SLC41A3: variants seen among roughly 807,000 people sequenced by gnomAD.
SLC41A3 encodes solute carrier family 41 member 3, also known as SLC41A1-like 2.
A neutral mutation model predicts 45.4 loss-of-function variants in SLC41A3; 44 were observed. The observed-to-expected ratio is 0.97, with a 90% CI of 0.76 to 1.25. The LOEUF is 1.25. SLC41A3 is among the 50% of genes most tolerant of loss of function. The pLI is 0.00. For missense variants in SLC41A3, 550 were observed against 600.6 expected (o/e 0.92, Z 0.88); for synonymous variants, 256 against 252.4 (o/e 1.01, Z -0.13).
At chr3:126,076,768 A>C (rs972133490) in intron 1 of SLC41A3, among the ~76,000 whole-genome samples, 2 of 152,150 alleles carry the variant, frequency 1.3e-5, no homozygotes, top group African/African-American at 4.8e-5. Context: ...TAGTTTTACA[A>C]TGTGTGCAGC....
rs144125638 is a variant in SLC41A3, at chr3:126,063,212, C to T, written c.273+4735G>A. Among the ~76,000 whole-genome samples, 796 of 152,330 alleles carry T rather than the reference C, an allele frequency of 5.2e-3. 6 individuals carry two copies. The highest frequency in any genetic ancestry group is 0.018 in the African/African-American group (745 of 41,584). On this transcript the variant is annotated intron_variant, in intron 2 of 10. Transcript: ENST00000360370. ...TCCTTAAAAATAGAATGGAGCCAAA[C>T]CTGGGCTCTCTGGCATATGCCACCT... is the stretch of plus-strand genomic sequence containing the variant.
intron 1 of SLC41A3, among the ~76,000 whole-genome samples, chr3:126,090,028 C>CTTTTTTTTTTTTTTTTTTTTTTTTT (rs59737864): frequency 4.0e-5 from 4 of 99,334 alleles, no homozygotes; most frequent in African/African-American, 7.6e-5. Context: ...TCAAGAAAAT[C>CTTTTTTTTTTTTTTTTTTTTTTTTT]TTTTTTTTTT....
At chr3:126,081,923 T>C (rs1367545106) in intron 1 of SLC41A3, among the ~76,000 whole-genome samples, 1 of 152,236 alleles carries the variant, frequency 6.6e-6, no homozygotes, top group Admixed American at 6.5e-5. Context: ...TGATCCGTGA[T>C]TCATGCTGGG....
intron 6 of SLC41A3, 118 bp from the exon 7 acceptor site, chr3:126,016,993 G>A (rs1940365568): frequency 7.9e-7 from 1 of 1,263,654 alleles, no homozygotes; most frequent in South Asian, 1.5e-5. Flanking sequence ...TCAGTTGAGG[G>A]GGAACTGCCT....
At chr3:126,039,964 T>A (rs1309212450) in intron 3 of SLC41A3, among the ~76,000 whole-genome samples, 1 of 152,092 alleles carries the variant, frequency 6.6e-6, no homozygotes, top group Non-Finnish European at 1.5e-5. Flanking sequence ...TTTGCTAAAT[T>A]CAGTTCTTCA....
rs547885474 is a variant in SLC41A3, at chr3:126,026,879, G to A, written c.454-400C>T. On this transcript the variant is annotated intron_variant, in intron 4 of 10. Transcript: ENST00000360370. This position sits in a 1 kb window ranked among gnomAD's most constrained non-coding sequence, Gnocchi z 4.2. ...TCACTTGCCATGTGGTGTACCCCAC[G>A]ACACAGAGCAGTCACACGGGAGGAC... Among the ~76,000 whole-genome samples, 74 of 152,184 alleles carry A rather than the reference G, an allele frequency of 4.9e-4. No individual in the cohort carries two copies. The highest frequency in any genetic ancestry group is 1.7e-3 in the African/African-American group (71 of 41,524).
At chr3:126,054,374 A>G (rs1943527083) in intron 2 of SLC41A3, among the ~76,000 whole-genome samples, 3 of 152,102 alleles carry the variant, frequency 2.0e-5, no homozygotes, top group Admixed American at 6.5e-5. Context: ...ATGGAGCTGC[A>G]CAGTTGTGTG....
At position 126,026,393 on chromosome 3, in the gene SLC41A3, C is replaced by G. The variant is rs1265446746; in HGVS notation, c.540G>C (p.Lys180Asn). Residue 180 changes from lysine to asparagine, a missense_variant, in exon 5 of 11, where the codon AAG (lysine) becomes AAC (asparagine). By Grantham distance (94) the Lys-to-Asn change is moderately conservative. Coordinates refer to ENST00000360370, the MANE Select transcript of SLC41A3 (RefSeq NM_017836.4). This position sits in a 1 kb window ranked among gnomAD's most constrained non-coding sequence, Gnocchi z 4.2. ...CACTGCTGGCACACAGCAACTCCAC[C>G]TTGGCGACATCCACTTCCTCTCGAG... ...VVSREEVDVA[K>N]VELLCASSVL... is the part of the protein sequence containing the mutation. 6.3e-7 allele frequency: 1 copy of G among 1,586,942 alleles called. No individual in the cohort carries two copies. Among genetic ancestry groups the G allele is most frequent in the Non-Finnish European group, 8.6e-7 (1 of 1,165,774 alleles).
rs182730405 is a variant in SLC41A3 at position 126,026,011 on chromosome 3, C to T, written c.598+324G>A. ...CAGGCTGACTGCACAGATGAACAAG[C>T]CTGCTCTGTGCAGGTGTCAGGCCTC... On this transcript the variant is annotated intron_variant, in intron 5 of 10. Coordinates refer to ENST00000360370, the MANE Select transcript of SLC41A3 (RefSeq NM_017836.4). This position sits in a 1 kb window ranked among gnomAD's most constrained non-coding sequence, Gnocchi z 4.2. Among the ~76,000 whole-genome samples the T allele has an allele frequency of 1.7e-4, 26 of 152,344 alleles. No homozygotes were observed. The highest frequency in any genetic ancestry group is 6.0e-4 in the African/African-American group (25 of 41,582).
At chr3:126,016,654 AGT>A in intron 7 of SLC41A3, 75 bp downstream of exon 7, 1 of 1,518,612 alleles carries the variant, frequency 6.6e-7, no homozygotes, top group Non-Finnish European at 8.8e-7. Flanking sequence ...CCCCCAAGGC[AGT>A]GAGTGTCACC....
chr3:126,016,821 A>G lies in SLC41A3; in HGVS notation c.800T>C (p.Val267Ala), dbSNP rs900068156. The change falls in exon 7 of 11, where the codon GTG becomes GCG. Residue 267 changes from valine (V) to alanine (A), a missense_variant. Coordinates refer to ENST00000360370, the MANE Select transcript of SLC41A3 (RefSeq NM_017836.4). ...VCLSFAALTPVWVLIAKQSPP... is the reference protein window; with the variant it reads ...VCLSFAALTPAWVLIAKQSPP... ...GCTCTGCTTGGCAATGAGGACCCAC[A>G]CTGGGGTCAGAGCCGCAAAGCTGAG... 8.7e-6 allele frequency: 14 copies of G among 1,612,482 alleles called. No homozygotes were observed. In the African/African-American group the frequency reaches 9.4e-5, roughly 11 times the overall value.
Position 126,009,009 on chromosome 3 carries a change from G to A in SLC41A3, c.1106-129C>T, listed in dbSNP as rs796893066. On this transcript the variant is annotated intron_variant, in intron 9 of 10. Coordinates refer to ENST00000360370, the MANE Select transcript of SLC41A3 (RefSeq NM_017836.4). ...CAAGTGTTCACTGGACACCTACTCT[G>A]TGGCAAGCATATTCTGGCAGATGGG... 58 of 1,136,354 alleles carry A rather than the reference G, an allele frequency of 5.1e-5. No individual in the cohort carries two copies. The South Asian group carries it at 7.8e-4, about 15-fold the overall frequency. 70.4% of individuals were successfully genotyped at this position (1,136,354 alleles called of 1,614,324 possible).
In SLC41A3 at chr3:126,067,981, A is replaced by C; in HGVS notation, c.239T>G (p.Leu80Arg). 6.2e-7 allele frequency: 1 copy of C among 1,612,902 alleles called. No individual in the cohort carries two copies. The highest frequency in any genetic ancestry group is 8.5e-7 in the Non-Finnish European group (1 of 1,179,524). The change falls in exon 2 of 11, where the codon CTG becomes CGG. Residue 80 changes from leucine to arginine, a missense_variant. Transcript: ENST00000360370. The stretch of plus-strand genomic sequence containing the variant: ...GTCCAGAAGCATGCCGGCCCAGGAC[A>C]GTCCCAGGCCTGCAAACATGAAGGG... The part of the protein sequence containing the change: ...TVPFMFAGLG[L>R]SWAGMLLDYF...
At chr3:126,100,974 CAAAAGCTTAT>C (rs1189407324) in intron 1 of SLC41A3, among the ~76,000 whole-genome samples, 1 of 152,244 alleles carries the variant, frequency 6.6e-6, no homozygotes, top group Non-Finnish European at 1.5e-5. Flanking sequence ...TCAAAGGCCA[CAAAAGCTTAT>C]AAAAGCTTAT....
intron 9 of SLC41A3, among the ~76,000 whole-genome samples, chr3:126,009,361 C>T (rs1939459283): frequency 6.6e-6 from 1 of 152,128 alleles, no homozygotes; most frequent in Non-Finnish European, 1.5e-5. Context: ...GGAGGGCAGT[C>T]GGCTCAAAAG....
At chr3:126,047,984 T>C (rs1559854857) in intron 3 of SLC41A3, among the ~76,000 whole-genome samples, 1 of 152,128 alleles carries the variant, frequency 6.6e-6, no homozygotes, top group Non-Finnish European at 1.5e-5. Context: ...CATATACTGA[T>C]AAGAGATTAA....
chr3:126,045,201 C>T (rs1014855112), intron 3 of SLC41A3, among the ~76,000 whole-genome samples: 2 of 151,342 alleles, frequency 1.3e-5, no homozygotes, highest in Admixed American at 6.6e-5. Context: ...AAATAAACCA[C>T]CTAAACTTAT....
chr3:126,013,749 C>T (rs1939968366), intron 8 of SLC41A3, among the ~76,000 whole-genome samples: 2 of 152,134 alleles, frequency 1.3e-5, no homozygotes, highest in South Asian at 4.2e-4. Context: ...GAGCCCCTCT[C>T]TCGGAGCTCA....
intron 2 of SLC41A3, among the ~76,000 whole-genome samples, chr3:126,061,120 G>A (rs550108268): frequency 3.3e-5 from 5 of 152,292 alleles, no homozygotes; most frequent in African/African-American, 7.2e-5. Context: ...AGTTTCCAAC[G>A]CAGCATCCAA....
Sources: allele counts gnomAD v4.1 joint callset (sites outside exome capture counted in the v4.1 genomes callset), GRCh38; gene constraint gnomAD v4.1.1; non-coding constraint Gnocchi (gnomAD v3.1); transcripts MANE v1.5; gene names NCBI Gene and HGNC (gene_info 2026-07-23, HGNC 2026-07-21).